PDE11A: variants seen among roughly 807,000 people sequenced by gnomAD.
The protein encoded by PDE11A is phosphodiesterase 11A.
A neutral mutation model predicts 100.5 loss-of-function variants in PDE11A; 100 were observed. The observed-to-expected ratio is 1.00, with a 90% CI of 0.85 to 1.18. PDE11A has a LOEUF of 1.18. PDE11A is among the 50% of genes most tolerant of loss of function. The pLI is 0.00. For missense variants in PDE11A, 1,141 were observed against 1,152.6 expected (o/e 0.99, Z 0.15); for synonymous variants, 381 against 420.8 (o/e 0.91, Z 1.16).
Position 177,669,524 on chromosome 2 carries a change from C to G in PDE11A, c.2531G>C (p.Arg844Pro), listed in dbSNP as rs911385258. The change falls in exon 18 of 20, where the codon CGG becomes CCG. Residue 844 changes from arginine (R) to proline (P), a missense_variant. By Grantham distance (103) the Arg-to-Pro change is moderately radical (BLOSUM62 -2). Transcript: ENST00000286063. ...VTSEFFEQGD[R>P]ERLELKLTPS... is the part of the protein sequence containing the mutation. ...AGTGAGTTTGAGCTCTAATCTCTCCCGATCTCCTTGTTCGAAGAACTCACT... is the reference window on the plus strand; with the variant it reads ...AGTGAGTTTGAGCTCTAATCTCTCCGGATCTCCTTGTTCGAAGAACTCACT... 7.5e-6 allele frequency: 11 copies of G among 1,458,944 alleles called. No individual in the cohort carries two copies. The highest frequency in any genetic ancestry group is 1.7e-5 in the Admixed American group (1 of 59,834). 90.4% of individuals were successfully genotyped at this position (1,458,944 alleles called of 1,614,324 possible).
chr2:177,665,309 C>CAA (rs9288007), intron 18 of PDE11A, among the ~76,000 whole-genome samples: 7 of 112,434 alleles, frequency 6.2e-5, no homozygotes, highest in Admixed American at 1.9e-4. Flanking sequence ...CCTGTCCCTA[C>CAA]AAAAAAAAAA....
chr2:177,774,365 C>T (rs976872993), intron 9 of PDE11A, among the ~76,000 whole-genome samples: 8 of 152,222 alleles, frequency 5.3e-5, no homozygotes, highest in Non-Finnish European at 1.0e-4. Flanking sequence ...TCCACTGGAA[C>T]AGCTCGTGTC....
intron 16 of PDE11A, among the ~76,000 whole-genome samples, 170 bp downstream of exon 16, chr2:177,680,656 G>T (rs1030714571): frequency 6.6e-6 from 1 of 152,170 alleles, no homozygotes; most frequent in African/African-American, 2.4e-5. Flanking sequence ...AAGATGAAAA[G>T]ACATTCTCAG....
chr2:177,959,876 C>T (rs924756406), intron 2 of PDE11A, among the ~76,000 whole-genome samples: 1 of 152,002 alleles, frequency 6.6e-6, no homozygotes, highest in Non-Finnish European at 1.5e-5. Context: ...TCAAAATTTT[C>T]GGTATTAGAA....
At chr2:177,794,007 A>G (rs1411119392) in intron 9 of PDE11A, among the ~76,000 whole-genome samples, 1 of 152,224 alleles carries the variant, frequency 6.6e-6, no homozygotes, top group Admixed American at 6.5e-5. Flanking sequence ...CTAGGGATAC[A>G]TCAGTCAAAA....
Position 177,848,883 on chromosome 2 carries a change from A to C in PDE11A, c.1368-8500T>G, listed in dbSNP as rs16865838. Reference sequence around the variant, plus strand: ...GTTCAAATACAGAGAACTGTGTGAAAATAAAAAGACTATCTTCAGCATTAC... The same window carrying C: ...GTTCAAATACAGAGAACTGTGTGAACATAAAAAGACTATCTTCAGCATTAC... On this transcript the variant is annotated intron_variant, in intron 5 of 19. Transcript: ENST00000286063. Among the ~76,000 whole-genome samples the C allele has an allele frequency of 7.2e-3, 1,103 of 152,324 alleles. 13 individuals carry two copies. Among genetic ancestry groups the C allele is most frequent in the African/African-American group, 0.025 (1,027 of 41,562 alleles).
chr2:177,968,905 A>G (rs937479339), intron 2 of PDE11A, among the ~76,000 whole-genome samples: 1 of 152,252 alleles, frequency 6.6e-6, no homozygotes, highest in Non-Finnish European at 1.5e-5. Flanking sequence ...TGATCTGGCA[A>G]TCCCATTACT....
chr2:177,644,090 G>T (rs77408550), intron 19 of PDE11A, among the ~76,000 whole-genome samples: 3 of 152,244 alleles, frequency 2.0e-5, no homozygotes, highest in Non-Finnish European at 4.4e-5. Context: ...GGGAATGTGG[G>T]GGGGAGCCCC....
At chr2:177,726,368 G>A (rs1306776410) in intron 12 of PDE11A, among the ~76,000 whole-genome samples, 4 of 152,140 alleles carry the variant, frequency 2.6e-5, no homozygotes, top group Non-Finnish European at 5.9e-5. Flanking sequence ...GTACATGACA[G>A]AGTGCAGGGT....
Position 177,912,200 on chromosome 2 carries a change from C to T in PDE11A, c.1072-7013G>A, listed in dbSNP as rs919256193. On this transcript the variant is annotated intron_variant, in intron 2 of 19. Transcript: ENST00000286063. ...ACAGGCTCCCCTTCTCCTGTCTAGGCGTCCTCATCACTCTTCTTCCATGTT... is the reference window on the plus strand; with the variant it reads ...ACAGGCTCCCCTTCTCCTGTCTAGGTGTCCTCATCACTCTTCTTCCATGTT... 5.9e-5 allele frequency among the ~76,000 whole-genome samples: 9 copies of T among 152,186 alleles called. No individual in the cohort carries two copies. In the South Asian group the frequency reaches 8.3e-4, roughly 14 times the overall value.
intron 13 of PDE11A, among the ~76,000 whole-genome samples, chr2:177,704,902 G>A (rs1282299110): frequency 6.6e-6 from 1 of 152,016 alleles, no homozygotes; most frequent in African/African-American, 2.4e-5. Context: ...GTGCAATGGC[G>A]CGATGTTGGC....
intron 12 of PDE11A, among the ~76,000 whole-genome samples, chr2:177,717,136 C>A (rs1268602460): frequency 6.6e-6 from 1 of 152,216 alleles, no homozygotes; most frequent in East Asian, 1.9e-4. Context: ...AGTACAGCAC[C>A]CACACACAGT....
chr2:177,777,782 G>A (rs10191015), intron 9 of PDE11A, among the ~76,000 whole-genome samples: 5,060 of 152,128 alleles, frequency 0.033, 295 homozygotes, highest in African/African-American at 0.12. Flanking sequence ...TAATTTTTTC[G>A]ACAGCTAAAT....
chr2:177,907,114 C>T (rs991755828), intron 2 of PDE11A, among the ~76,000 whole-genome samples: 1 of 151,774 alleles, frequency 6.6e-6, no homozygotes, highest in Non-Finnish European at 1.5e-5. Context: ...TTTGTAATTC[C>T]AATATTTACT....
chr2:177,709,742 T>C (rs1275158177), intron 13 of PDE11A, among the ~76,000 whole-genome samples: 1 of 152,128 alleles, frequency 6.6e-6, no homozygotes, highest in African/African-American at 2.4e-5. Context: ...GAAAACCCTT[T>C]GTCTGTGAGA....
chr2:178,051,649 G>A (rs2086828911), intron 1 of PDE11A, among the ~76,000 whole-genome samples: 1 of 152,294 alleles, frequency 6.6e-6, no homozygotes, highest in South Asian at 2.1e-4. Context: ...TCAAAATAAA[G>A]GGATGCAGGA....
intron 2 of PDE11A, among the ~76,000 whole-genome samples, chr2:178,078,839 G>T (rs996859360): frequency 6.6e-6 from 1 of 152,104 alleles, no homozygotes; most frequent in Non-Finnish European, 1.5e-5. Context: ...AATCAAGATT[G>T]TTGAGTTAAG....
chr2:177,703,120 A>G (rs1162744146), intron 13 of PDE11A, among the ~76,000 whole-genome samples: 1 of 152,214 alleles, frequency 6.6e-6, no homozygotes, highest in Non-Finnish European at 1.5e-5. Context: ...TAATAAGCTT[A>G]CAGTAGTTAC....
intron 19 of PDE11A, among the ~76,000 whole-genome samples, chr2:177,643,528 G>T (rs963946315): frequency 1.3e-5 from 2 of 152,202 alleles, no homozygotes; most frequent in Non-Finnish European, 2.9e-5. Flanking sequence ...TGACTTGGCT[G>T]CTGTTAAAGG....
Sources: allele counts gnomAD v4.1 joint callset (sites outside exome capture counted in the v4.1 genomes callset), GRCh38; gene constraint gnomAD v4.1.1; transcripts MANE v1.5; gene names NCBI Gene and HGNC (gene_info 2026-07-23, HGNC 2026-07-21).